The following UBALD1 variants were observed in gnomAD, a reference collection of about 807,000 sequenced individuals.
UBALD1 encodes UBA-like domain-containing protein 1.
A neutral mutation model predicts 16.1 loss-of-function variants in UBALD1; 5 were observed. The ratio of observed to expected loss-of-function variants is 0.31; its 90% CI spans 0.16 to 0.66. UBALD1 has a LOEUF of 0.66. UBALD1 is among the 30% of genes least tolerant of loss of function. UBALD1 has a pLI of 0.77. For synonymous variants in UBALD1, 146 were observed against 105.3 expected (o/e 1.39, Z -2.37); for missense variants, 220 against 252.8 (o/e 0.87, Z 0.88).
chr16:4,609,696 G>C lies in UBALD1; in HGVS notation c.471C>G (p.Pro157=). The part of the protein sequence containing the change: ...TPPSPASDWP[P]LAPQQATSEP... ...CTGAGGTGGCCTGTTGGGGGGCCAG[G>C]GGTGGCCAGTCTGAAGCCGGAGAAG... Residue 157 remains proline (P), a synonymous_variant, in exon 3 of 3, where the codon CCC becomes CCG. Coordinates refer to ENST00000283474, the MANE Select transcript of UBALD1 (RefSeq NM_145253.3). 1 of 1,483,312 alleles carries C rather than the reference G, an allele frequency of 6.7e-7. No homozygotes were observed. The highest frequency in any genetic ancestry group is 8.9e-7 in the Non-Finnish European group (1 of 1,119,214). The allele number at this position is 1,483,312 out of a possible 1,614,324, so 91.9% of individuals were successfully genotyped here. A position where few individuals can be genotyped will look rare whatever the true frequency, so the allele number is the denominator to read the frequency against.
chr16:4,614,093 C>G (rs1260407623), intron 1 of UBALD1: 2 of 167,160 alleles, frequency 1.2e-5, no homozygotes, highest in Admixed American at 6.4e-5. Context: ...CACATGTGTA[C>G]GCGTTGATCA....
chr16:4,609,425 C>G lies in UBALD1; in HGVS notation c.*208G>C. The G allele has an allele frequency of 2.5e-6, 1 of 398,660 alleles. No individual in the cohort carries two copies. Among genetic ancestry groups the G allele is most frequent in the Non-Finnish European group, 4.4e-6 (1 of 226,862 alleles). 24.7% of individuals were successfully genotyped at this position (398,660 alleles called of 1,614,324 possible). ...AGGCCGCGCTGAACCACTCCATGTG[C>G]CGGGGCCGCTGGGGCCATGACCTTG... is the stretch of plus-strand genomic sequence containing the variant. On this transcript the variant is annotated 3_prime_UTR_variant, in exon 3 of 3. Coordinates refer to ENST00000283474, the MANE Select transcript of UBALD1 (RefSeq NM_145253.3).
At chr16:4,614,414 G>GA (rs985059470) in intron 1 of UBALD1, 3 of 440,700 alleles carry the variant, frequency 6.8e-6, no homozygotes, top group Non-Finnish European at 1.2e-5. Context: ...AAAGGGGTGG[G>GA]GGGGGTCCCC....
At position 4,614,714 on chromosome 16, in the gene UBALD1, C is replaced by T. The variant is rs759449972; in HGVS notation, c.84G>A (p.Ala28=). 12 of 1,559,360 alleles carry T rather than the reference C, an allele frequency of 7.7e-6. No homozygotes were observed. Among genetic ancestry groups the T allele is most frequent in the African/African-American group, 1.4e-5 (1 of 70,502 alleles). The change falls in exon 1 of 3, where the codon GCG becomes GCA. Residue 28 remains alanine (A), a synonymous_variant. Transcript: ENST00000283474. ...AGTGGGCCGCCTGCAGCAGTTGCTT[C>T]GCCTGGTCGGCCGCGCAGCCCGCCG... The part of the protein sequence containing the change: ...VLTAGCAADQ[A]KQLLQAAHWQ...
intron 1 of UBALD1, chr16:4,610,878 C>A (rs1248277730): frequency 6.9e-6 from 3 of 435,268 alleles, no homozygotes; most frequent in Non-Finnish European, 1.2e-5. Context: ...GGAGGGCGGG[C>A]AGTACACCCC....
chr16:4,612,646 C>G (rs925554315), intron 1 of UBALD1, among the ~76,000 whole-genome samples: 4 of 152,174 alleles, frequency 2.6e-5, no homozygotes, highest in African/African-American at 9.7e-5. Flanking sequence ...GGCCCCTCCC[C>G]CTGCAGCCTC....
chr16:4,610,133 C>A, intron 2 of UBALD1, 150 bp from the exon 3 acceptor site: 1 of 766,992 alleles, frequency 1.3e-6, no homozygotes, highest in Non-Finnish European at 2.3e-6. Context: ...CCCAGGGGTT[C>A]CCAGAGGAGA....
At position 4,610,502 on chromosome 16, in the gene UBALD1, G is replaced by T. The variant is rs149629372; in HGVS notation, c.174C>A (p.His58Gln). 2 of 1,608,778 alleles carry T rather than the reference G, an allele frequency of 1.2e-6. No homozygotes were observed. Among genetic ancestry groups the T allele is most frequent in the Non-Finnish European group, 1.7e-6 (2 of 1,177,392 alleles). Residue 58 changes from histidine (H) to glutamine (Q), a missense_variant, in exon 2 of 3, where the codon CAC becomes CAA. His to Gln is a conservative substitution (Grantham distance 24, BLOSUM62 0). Around this residue, in one of 2 missense-constraint regions of UBALD1, gnomAD observed 69 missense variants for 120.3 expected, o/e 0.57. Coordinates refer to ENST00000283474, the MANE Select transcript of UBALD1 (RefSeq NM_145253.3). The stretch of plus-strand genomic sequence containing the variant: ...CTCCGGGGACACTTACCATCTGGTG[G>T]TGATGGTGGCTGTAGGGGATGTTGG... The part of the protein sequence containing the change: ...QETNIPYSHH[H>Q]HQMMCTPANT...
chr16:4,609,718 GA>G lies in UBALD1; in HGVS notation c.448del (p.Ser150LeufsTer74). On this transcript the variant is annotated frameshift_variant, in exon 3 of 3. Transcript: ENST00000283474. LOFTEE classifies it high-confidence loss of function. ...CAGGGGTGGCCAGTCTGAAGCCGGA[GA>G]AGGGGGTGTTGGAGTCCACAGGGGC... Reference protein sequence around the residue: ...QPPLWTPTPPSPASDWPPLAP... With the variant: ...QPPLWTPTPPXPASDWPPLAP... 1 of 1,487,098 alleles carries G rather than the reference GA, an allele frequency of 6.7e-7. No homozygotes were observed. 92.1% of individuals were successfully genotyped at this position (1,487,098 alleles called of 1,614,324 possible). A position where few individuals can be genotyped will look rare whatever the true frequency, so the allele number is the denominator to read the frequency against.
At position 4,613,503 on chromosome 16, in the gene UBALD1, C is replaced by T. The variant is rs535632544; in HGVS notation, c.120+1175G>A. Among the ~76,000 whole-genome samples, 5 of 152,286 alleles carry T rather than the reference C, an allele frequency of 3.3e-5. No homozygotes were observed. In the East Asian group the frequency reaches 7.7e-4, roughly 24 times the overall value. Reference sequence around the variant, plus strand: ...AGCTTGGGACATTCTGATCCCCCTGCAGTCCCCAGGAAGCGGAGCCTCAGA... The same window carrying T: ...AGCTTGGGACATTCTGATCCCCCTGTAGTCCCCAGGAAGCGGAGCCTCAGA... On this transcript the variant is annotated intron_variant, in intron 1 of 2. Transcript: ENST00000283474.
chr16:4,610,915 AG>A, intron 1 of UBALD1: 1 of 419,798 alleles, frequency 2.4e-6, no homozygotes, highest in Non-Finnish European at 4.2e-6. Context: ...GCCCGGCCCC[AG>A]GTAGCCCAAC....
intron 1 of UBALD1, 134 bp from the exon 2 acceptor site, chr16:4,610,689 AGG>A: frequency 1.0e-6 from 1 of 967,360 alleles, no homozygotes; most frequent in Non-Finnish European, 1.5e-6. Flanking sequence ...CGCGGTGCTG[AGG>A]CTCAGTGGCT....
chr16:4,609,728 T>C lies in UBALD1; in HGVS notation c.439A>G (p.Thr147Ala). ...HQPQPPLWTP[T>A]PPSPASDWPP... ...CAGTCTGAAGCCGGAGAAGGGGGTG[T>C]TGGAGTCCACAGGGGCGGCTGTGGC... Residue 147 changes from threonine (T) to alanine (A), a missense_variant, in exon 3 of 3, where the codon ACA becomes GCA. Physicochemically the swap from Thr to Ala is moderately conservative, Grantham distance 58. This residue lies in a region of UBALD1 where 151 missense variants were observed against 132.6 expected (regional missense o/e 1.14). Coordinates refer to ENST00000283474, the MANE Select transcript of UBALD1 (RefSeq NM_145253.3). The C allele has an allele frequency of 6.7e-7, 1 of 1,487,488 alleles. No homozygotes were observed. The highest frequency in any genetic ancestry group is 8.9e-7 in the Non-Finnish European group (1 of 1,121,056). The allele number at this position is 1,487,488 out of a possible 1,614,324, so 92.1% of individuals were successfully genotyped here. A position where few individuals can be genotyped will look rare whatever the true frequency, so the allele number is the denominator to read the frequency against.
rs1897408154 is a variant in UBALD1, at chr16:4,614,881, G to C, written c.-84C>G. 1 of 1,322,524 alleles carries C rather than the reference G, an allele frequency of 7.6e-7. No individual in the cohort carries two copies. Among genetic ancestry groups the C allele is most frequent in the African/African-American group, 1.5e-5 (1 of 64,980 alleles). The allele number at this position is 1,322,524 out of a possible 1,614,324, so 81.9% of individuals were successfully genotyped here. A position where few individuals can be genotyped will look rare whatever the true frequency, so the allele number is the denominator to read the frequency against. ...GTCCACCATTAGCGAGCCGGCTCCG[G>C]CTAATACAAATATTTACTGTGCGGC... On this transcript the variant is annotated 5_prime_UTR_variant, in exon 1 of 3. Transcript: ENST00000283474.
In UBALD1 at chr16:4,614,877, TC is replaced by T; in HGVS notation, c.-81del. 5 of 1,338,198 alleles carry T rather than the reference TC, an allele frequency of 3.7e-6. No homozygotes were observed. The highest frequency in any genetic ancestry group is 4.9e-6 in the Non-Finnish European group (5 of 1,027,820). The allele number at this position is 1,338,198 out of a possible 1,614,324, so 82.9% of individuals were successfully genotyped here. On this transcript the variant is annotated 5_prime_UTR_variant, in exon 1 of 3. Transcript: ENST00000283474. ...ACGCGTCCACCATTAGCGAGCCGGC[TC>T]CGGCTAATACAAATATTTACTGTGC...
At chr16:4,610,434 C>G in intron 2 of UBALD1, 59 bp downstream of exon 2, 1 of 1,537,200 alleles carries the variant, frequency 6.5e-7, no homozygotes, top group Non-Finnish European at 8.8e-7. Context: ...TGCTTATACA[C>G]AGAACTAGCT....
Position 4,614,686 on chromosome 16 carries a change from G to C in UBALD1, c.112C>G (p.Gln38Glu). 1.3e-6 allele frequency: 2 copies of C among 1,545,978 alleles called. No individual in the cohort carries two copies. Among genetic ancestry groups the C allele is most frequent in the Non-Finnish European group, 1.7e-6 (2 of 1,148,818 alleles). The change falls in exon 1 of 3, where the codon CAG becomes GAG. Residue 38 changes from glutamine (Q) to glutamate (E), a missense_variant. By Grantham distance (29) the Gln-to-Glu change is conservative. Transcript: ENST00000283474. The stretch of plus-strand genomic sequence containing the variant: ...GCTCCGGCGCCGCGCACCTCGAACT[G>C]CCAGTGGGCCGCCTGCAGCAGTTGC... ...AKQLLQAAHW[Q>E]FETALSAFFQ... is the part of the protein sequence containing the mutation.
chr16:4,611,737 C>G (rs1274753429), intron 1 of UBALD1, among the ~76,000 whole-genome samples: 1 of 152,192 alleles, frequency 6.6e-6, no homozygotes, highest in Non-Finnish European at 1.5e-5. Context: ...AACTGAGGAG[C>G]CCCAGAGGGA....
At chr16:4,614,564 C>T (rs763013101) in intron 1 of UBALD1, 114 bp downstream of exon 1, 190 of 1,288,544 alleles carry the variant, frequency 1.5e-4, no homozygotes, top group Non-Finnish European at 1.8e-4. Context: ...GGGTCTGCGG[C>T]CCGGAGGGGG....
Sources: gnomAD v4.1 joint callset for allele counts (sites outside exome capture counted in the v4.1 genomes callset) on GRCh38, gnomAD v4.1.1 for gene constraint, gnomAD v4.1.1 regional missense constraint, MANE v1.5 for transcripts, NCBI Gene and HGNC (gene_info 2026-07-23, HGNC 2026-07-21) for gene names.